The following MDGA2 variants were observed in gnomAD, a reference collection of about 807,000 sequenced individuals.
The protein encoded by MDGA2 is MAM domain-containing glycosylphosphatidylinositol anchor protein 2.
In MDGA2, 40 loss-of-function variants were observed where a neutral mutation model predicts 117.8. The ratio of observed to expected loss-of-function variants is 0.34; its 90% CI spans 0.26 to 0.44. The LOEUF (loss-of-function observed/expected upper bound fraction) is 0.44, where lower values mean the gene tolerates loss of function less well. MDGA2 is among the 20% of genes least tolerant of loss of function. The pLI is 1.00. For missense variants in MDGA2, 1,123 were observed against 1,250.6 expected (o/e 0.90, Z 1.54); for synonymous variants, 452 against 439.0 (o/e 1.03, Z -0.37).
intron 2 of MDGA2, among the ~76,000 whole-genome samples, chr14:47,220,474 C>G (rs1886258919): frequency 6.6e-6 from 1 of 152,158 alleles, no homozygotes; most frequent in African/African-American, 2.4e-5. Context: ...AATGTCCTTA[C>G]AGGGAAGCAG....
chr14:47,085,259 T>G (rs915988747), intron 6 of MDGA2, among the ~76,000 whole-genome samples: 2 of 151,988 alleles, frequency 1.3e-5, no homozygotes, highest in South Asian at 4.1e-4. Context: ...GAAAAATAAT[T>G]AGCATTTGAA....
intron 3 of MDGA2, among the ~76,000 whole-genome samples, chr14:47,182,579 C>G (rs1884750871): frequency 6.6e-6 from 1 of 152,152 alleles, no homozygotes; most frequent in East Asian, 1.9e-4. Context: ...TAACCTTGAA[C>G]TTCCCATCTC....
At chr14:47,242,790 A>G (rs1312651693) in intron 2 of MDGA2, among the ~76,000 whole-genome samples, 3 of 151,802 alleles carry the variant, frequency 2.0e-5, no homozygotes, top group Admixed American at 1.3e-4. Flanking sequence ...GCTCCAGGGC[A>G]CCGAGTCCCA....
At chr14:47,500,579 T>C (rs867981799) in intron 1 of MDGA2, among the ~76,000 whole-genome samples, 2 of 152,040 alleles carry the variant, frequency 1.3e-5, no homozygotes, top group Non-Finnish European at 2.9e-5. Context: ...ACATAAAAGA[T>C]GAACCTGGGG....
At chr14:47,655,862 G>A (rs767444691) in intron 1 of MDGA2, among the ~76,000 whole-genome samples, 4 of 152,088 alleles carry the variant, frequency 2.6e-5, no homozygotes, top group Non-Finnish European at 4.4e-5. Context: ...TTCAACTGAA[G>A]AATTAATTCC....
rs1177055860 is a variant in MDGA2, at chr14:47,133,122, C to A, written c.793-1276G>T. 5.7e-4 allele frequency among the ~76,000 whole-genome samples: 84 copies of A among 147,010 alleles called. 1 individual carries two copies. The highest frequency in any genetic ancestry group is 9.9e-4 in the East Asian group (5 of 5,054). On this transcript the variant is annotated intron_variant, in intron 4 of 16. Coordinates refer to ENST00000399232, the MANE Select transcript of MDGA2 (RefSeq NM_001113498.3). ...TCCTCAGTGGTAAAAAAAAAAAAAA[C>A]AAACAAACAAAAAAAAACTACCTTT... is the stretch of plus-strand genomic sequence containing the variant.
intron 1 of MDGA2, among the ~76,000 whole-genome samples, chr14:47,462,292 T>C (rs1594869342): frequency 7.1e-6 from 1 of 141,296 alleles, no homozygotes; most frequent in African/African-American, 2.7e-5. Flanking sequence ...AGGAGAATGA[T>C]GGGAACCTGG....
chr14:47,491,476 T>G (rs190564334), intron 1 of MDGA2, among the ~76,000 whole-genome samples: 152 of 152,222 alleles, frequency 1.0e-3, no homozygotes, highest in Non-Finnish European at 1.7e-3. Flanking sequence ...AGATTAAGAA[T>G]GCCTATACGA....
chr14:47,561,174 TG>T (rs757601231), intron 1 of MDGA2, among the ~76,000 whole-genome samples: 4,707 of 77,194 alleles, frequency 0.061, 544 homozygotes, highest in Non-Finnish European at 0.083. Context: ...TTTTTTTGTT[TG>T]TTTGTTTTTT....
At chr14:47,007,125 C>G (rs959155538) in intron 8 of MDGA2, among the ~76,000 whole-genome samples, 1 of 151,738 alleles carries the variant, frequency 6.6e-6, no homozygotes, top group African/African-American at 2.4e-5. Flanking sequence ...GAATTTGTAT[C>G]ATATAAGAGT....
At chr14:47,416,281 T>C (rs1892474097) in intron 1 of MDGA2, among the ~76,000 whole-genome samples, 1 of 135,126 alleles carries the variant, frequency 7.4e-6, no homozygotes, top group Admixed American at 7.7e-5. Context: ...AGCATAGATA[T>C]TCCTCTTCCA....
At chr14:47,200,068 A>C (rs1278124195) in intron 3 of MDGA2, among the ~76,000 whole-genome samples, 1 of 152,074 alleles carries the variant, frequency 6.6e-6, no homozygotes, top group Non-Finnish European at 1.5e-5. Context: ...ATAGAGAAAA[A>C]ATGGAAAAAG....
At chr14:47,171,043 T>C (rs1417471682) in intron 3 of MDGA2, among the ~76,000 whole-genome samples, 3 of 152,172 alleles carry the variant, frequency 2.0e-5, no homozygotes, top group African/African-American at 7.2e-5. Flanking sequence ...AATTCAAATA[T>C]ACATTTGAAA....
chr14:47,268,840 G>A (rs1386405717), intron 2 of MDGA2, among the ~76,000 whole-genome samples: 9 of 152,224 alleles, frequency 5.9e-5, no homozygotes, highest in Non-Finnish European at 1.3e-4. Flanking sequence ...TATTGGCAAT[G>A]TTAATGGAAA....
chr14:47,383,738 T>C (rs562030105), intron 1 of MDGA2, among the ~76,000 whole-genome samples: 1 of 152,196 alleles, frequency 6.6e-6, no homozygotes, highest in Non-Finnish European at 1.5e-5. Flanking sequence ...TTGGCCAGGC[T>C]GGTCTTCAAC....
intron 3 of MDGA2, among the ~76,000 whole-genome samples, chr14:47,199,309 A>G (rs540019845): frequency 8.2e-4 from 125 of 152,288 alleles, no homozygotes; most frequent in Middle Eastern, 6.8e-3. Flanking sequence ...CCATCTTCCA[A>G]TTCAACATTC....
chr14:47,040,406 A>G (rs552136267), intron 7 of MDGA2, among the ~76,000 whole-genome samples: 1 of 152,252 alleles, frequency 6.6e-6, no homozygotes, highest in East Asian at 1.9e-4. Flanking sequence ...TACAGGGCCC[A>G]AGAAGCCCAG....
At chr14:47,415,908 T>G (rs977204894) in intron 1 of MDGA2, among the ~76,000 whole-genome samples, 1 of 152,180 alleles carries the variant, frequency 6.6e-6, no homozygotes, top group African/African-American at 2.4e-5. Flanking sequence ...TCCACCTGCA[T>G]GACTTCGTCA....
intron 6 of MDGA2, among the ~76,000 whole-genome samples, chr14:47,086,292 A>G (rs975433560): frequency 6.6e-6 from 1 of 152,026 alleles, no homozygotes; most frequent in African/African-American, 2.4e-5. Flanking sequence ...GAAAACTAAA[A>G]TTAAGAAATT....
Sources: allele counts gnomAD v4.1 joint callset (sites outside exome capture counted in the v4.1 genomes callset), GRCh38; gene constraint gnomAD v4.1.1; transcripts MANE v1.5; gene names NCBI Gene and HGNC (gene_info 2026-07-23, HGNC 2026-07-21).